Variants in CCDC91 observed in about 807,000 individuals in gnomAD.
The protein encoded by CCDC91 is coiled-coil domain-containing protein 91.
CCDC91 carries 48 observed loss-of-function variants against 63.2 expected under a neutral mutation model. The observed-to-expected ratio is 0.76, with a 90% CI of 0.60 to 0.97. The LOEUF is 0.97. Ranked by LOEUF, CCDC91 falls within the 50% of genes least tolerant of loss-of-function variation. The pLI is 0.00. For missense variants in CCDC91, 500 were observed against 494.6 expected (o/e 1.01, Z -0.10); for synonymous variants, 167 against 165.8 (o/e 1.01, Z -0.06).
intron 1 of CCDC91, among the ~76,000 whole-genome samples, chr12:28,209,465 GAC>G (rs1943081841): frequency 6.6e-6 from 1 of 151,808 alleles, no homozygotes. Context: ...ATTTTTTTGA[GAC>G]AGAGTTTCAC....
chr12:28,271,323 TTGTC>T (rs1947756348), intron 3 of CCDC91, among the ~76,000 whole-genome samples: 1 of 152,130 alleles, frequency 6.6e-6, no homozygotes, highest in African/African-American at 2.4e-5. Flanking sequence ...TTATTTTCTA[TTGTC>T]TATTTTATTG....
At chr12:28,485,785 AT>A (rs1173454051) in intron 12 of CCDC91, among the ~76,000 whole-genome samples, 1 of 152,206 alleles carries the variant, frequency 6.6e-6, no homozygotes, top group Non-Finnish European at 1.5e-5. Context: ...GAAAACTCCT[AT>A]TTCCATATGT....
chr12:28,193,959 G>A (rs1276913809), intron 1 of CCDC91, among the ~76,000 whole-genome samples: 1 of 152,124 alleles, frequency 6.6e-6, no homozygotes, highest in Non-Finnish European at 1.5e-5. Context: ...TCGTATATAT[G>A]TTCACAGCAT....
intron 11 of CCDC91, among the ~76,000 whole-genome samples, chr12:28,453,366 A>G (rs1338563668): frequency 6.6e-6 from 1 of 152,024 alleles, no homozygotes; most frequent in African/African-American, 2.4e-5. Flanking sequence ...GAAGTCTAAC[A>G]TGTTCAAACT....
At chr12:28,480,455 G>T (rs1285517135) in intron 11 of CCDC91, among the ~76,000 whole-genome samples, 1 of 151,930 alleles carries the variant, frequency 6.6e-6, no homozygotes, top group East Asian at 1.9e-4. Flanking sequence ...CTCATCAAGA[G>T]ATAGACAAAT....
chr12:28,494,387 T>C (rs1007943041), intron 12 of CCDC91, among the ~76,000 whole-genome samples: 2 of 151,748 alleles, frequency 1.3e-5, no homozygotes, highest in Non-Finnish European at 2.9e-5. Flanking sequence ...CACCTAGCAA[T>C]GTGTCTCTTT....
At position 28,367,787 on chromosome 12, in the gene CCDC91, T is replaced by C. The variant is rs79136967; in HGVS notation, c.654+5272T>C. 9.2e-3 allele frequency among the ~76,000 whole-genome samples: 1,399 copies of C among 152,312 alleles called. 26 individuals are homozygous for C. The highest frequency in any genetic ancestry group is 0.032 in the African/African-American group (1,329 of 41,564). On this transcript the variant is annotated intron_variant, in intron 7 of 12. Transcript: ENST00000536442. ...TTGAATGTTTTTGTGAGGATTTTTT[T>C]TTTTAATTCAGATAAGATTAACATT...
intron 8 of CCDC91, among the ~76,000 whole-genome samples, chr12:28,414,092 T>C (rs1295206148): frequency 2.0e-5 from 3 of 152,214 alleles, no homozygotes; most frequent in Admixed American, 2.0e-4. Flanking sequence ...CTTATGTGTG[T>C]TAATTTACTA....
At chr12:28,536,342 A>G (rs1035526526) in intron 12 of CCDC91, among the ~76,000 whole-genome samples, 5 of 152,226 alleles carry the variant, frequency 3.3e-5, no homozygotes, top group African/African-American at 1.2e-4. Context: ...CAGGTTTTAA[A>G]TGAAAAGGAC....
chr12:28,205,467 TAAAAG>T (rs1468262318), intron 1 of CCDC91, among the ~76,000 whole-genome samples: 2 of 152,096 alleles, frequency 1.3e-5, no homozygotes, highest in Non-Finnish European at 2.9e-5. Context: ...AAACAAGTGT[TAAAAG>T]AAAAACTTCA....
chr12:28,417,435 T>A (rs960328605), intron 8 of CCDC91, among the ~76,000 whole-genome samples: 1 of 152,088 alleles, frequency 6.6e-6, no homozygotes, highest in Non-Finnish European at 1.5e-5. Context: ...TACTTGGCAG[T>A]GATCTGTTTT....
At chr12:28,376,355 T>C (rs1399729220) in intron 7 of CCDC91, among the ~76,000 whole-genome samples, 1 of 151,788 alleles carries the variant, frequency 6.6e-6, no homozygotes, top group Non-Finnish European at 1.5e-5. Flanking sequence ...ATAAGAAAGA[T>C]GAAACAAACC....
Position 28,450,845 on chromosome 12 carries a change from T to A in CCDC91, c.924+427T>A, listed in dbSNP as rs1949770234. 2.6e-5 allele frequency among the ~76,000 whole-genome samples: 4 copies of A among 151,700 alleles called. No individual in the cohort carries two copies. The South Asian group carries it at 8.3e-4, about 31-fold the overall frequency. ...TACACTTTTAACACTTACTTTTGAG[T>A]TTTAGATTTAAAATTAAATTTAGCA... On this transcript the variant is annotated intron_variant, in intron 10 of 12. Transcript: ENST00000536442.
At chr12:28,305,894 G>A (rs1938673094) in intron 4 of CCDC91, 88 bp downstream of exon 4, 1 of 1,151,660 alleles carries the variant, frequency 8.7e-7, no homozygotes, top group South Asian at 1.6e-5. Flanking sequence ...TTCTTTTTTA[G>A]CCTATTTGTC....
chr12:28,507,919 A>G (rs1938930249), intron 12 of CCDC91, among the ~76,000 whole-genome samples: 1 of 151,906 alleles, frequency 6.6e-6, no homozygotes, highest in South Asian at 2.1e-4. Flanking sequence ...TGGAGCTGGG[A>G]TGGCCCTTCA....
intron 11 of CCDC91, among the ~76,000 whole-genome samples, chr12:28,454,857 G>A (rs2140383562): frequency 6.6e-6 from 1 of 152,108 alleles, no homozygotes; most frequent in South Asian, 2.1e-4. Flanking sequence ...AGTATAGCCG[G>A]TTTCATGCTT....
intron 12 of CCDC91, among the ~76,000 whole-genome samples, chr12:28,527,158 A>AT (rs1458296991): frequency 2.6e-5 from 4 of 151,962 alleles, no homozygotes; most frequent in Admixed American, 1.3e-4. Context: ...AGCTAGTGTG[A>AT]TTTTTAGGGG....
At chr12:28,221,132 T>C (rs913406776) in intron 1 of CCDC91, among the ~76,000 whole-genome samples, 5 of 152,122 alleles carry the variant, frequency 3.3e-5, no homozygotes, top group Non-Finnish European at 7.4e-5. Flanking sequence ...TTTGAATAGT[T>C]ATACTATTGC....
At position 28,267,593 on chromosome 12, in the gene CCDC91, G is replaced by A. The variant is rs533322099; in HGVS notation, c.109+8151G>A. Among the ~76,000 whole-genome samples the A allele has an allele frequency of 9.9e-4, 141 of 141,956 alleles. 1 individual carries two copies. The highest frequency in any genetic ancestry group is 3.3e-3 in the African/African-American group (128 of 38,382). The allele number at this position is 141,956 out of a possible 152,430, so 93.1% of individuals were successfully genotyped here. On this transcript the variant is annotated intron_variant, in intron 3 of 12. Transcript: ENST00000536442. ...AAACATAGAACAAGACATGCTCTTT[G>A]ACTCTGAACAGTGTCAAAATTTATA... is the stretch of plus-strand genomic sequence containing the variant.
Sources: allele counts gnomAD v4.1 joint callset (sites outside exome capture counted in the v4.1 genomes callset), GRCh38; gene constraint gnomAD v4.1.1; transcripts MANE v1.5; gene names NCBI Gene and HGNC (gene_info 2026-07-23, HGNC 2026-07-21).